HDAC9: variants seen among roughly 807,000 people sequenced by gnomAD.
HDAC9 encodes MEF-2 interacting transcription repressor (MITR) protein.
A neutral mutation model predicts 139.4 loss-of-function variants in HDAC9; 41 were observed. The observed-to-expected ratio is 0.29, with a 90% CI of 0.23 to 0.38. The LOEUF (loss-of-function observed/expected upper bound fraction) is 0.38. HDAC9 is among the 10% of genes least tolerant of loss of function. The pLI is 1.00. For synonymous variants in HDAC9, 517 were observed against 476.2 expected, an observed-to-expected ratio of 1.09 and a Z score of -1.12; for missense variants, 1,147 against 1,297.0, an observed-to-expected ratio of 0.88 and a Z score of 1.78.
intron 12 of HDAC9, among the ~76,000 whole-genome samples, chr7:18,687,791 G>A (rs1782380804): frequency 6.6e-6 from 1 of 151,772 alleles, no homozygotes; most frequent in Non-Finnish European, 1.5e-5. Flanking sequence ...TAGTTAGATG[G>A]ACATATTTTA....
chr7:18,995,980 T>C, intron 25 of HDAC9, 43 bp from the exon 26 acceptor site: 3 of 1,482,358 alleles, frequency 2.0e-6, no homozygotes, highest in Non-Finnish European at 2.8e-6. Flanking sequence ...AATGTCATTG[T>C]GTACTCTTAT....
At chr7:18,466,033 G>A (rs1172547609) in intron 1 of HDAC9, among the ~76,000 whole-genome samples, 1 of 152,200 alleles carries the variant, frequency 6.6e-6, no homozygotes, top group African/African-American at 2.4e-5. Flanking sequence ...CATTGGCTAT[G>A]TTCTTTGCTG....
intron 1 of HDAC9, among the ~76,000 whole-genome samples, chr7:18,436,932 A>G (rs1364562898): frequency 2.6e-5 from 4 of 152,212 alleles, no homozygotes; most frequent in Non-Finnish European, 5.9e-5. Flanking sequence ...ATGAATACAC[A>G]TATTATTAAG....
Position 18,585,243 on chromosome 7 carries a change from C to G in HDAC9, c.23-38C>G, listed in dbSNP as rs139937348. The G allele has an allele frequency of 2.3e-4, 361 of 1,599,858 alleles. 3 individuals carry two copies. The African/African-American group carries it at 3.6e-3, about 16-fold the overall frequency. On this transcript the variant is annotated intron_variant, in intron 2 of 25. Coordinates refer to ENST00000686413, the MANE Select transcript of HDAC9 (RefSeq NM_178425.4). ...TGCTAATTTCCAATCTTCTATTACC[C>G]TCCCCCACCCCATTTCCCTTTTTTT...
At chr7:18,248,164 T>G (rs1031806241) in intron 2 of HDAC9, among the ~76,000 whole-genome samples, 2 of 152,240 alleles carry the variant, frequency 1.3e-5, no homozygotes, top group Non-Finnish European at 2.9e-5. Context: ...CTGGGATAAT[T>G]AAATTTTAAA....
intron 24 of HDAC9, among the ~76,000 whole-genome samples, chr7:18,970,807 A>T (rs1417358488): frequency 2.5e-5 from 3 of 118,240 alleles, no homozygotes; most frequent in South Asian, 3.2e-4. Flanking sequence ...AATGGAAAAA[A>T]GGTAAAAAAA....
intron 4 of HDAC9, among the ~76,000 whole-genome samples, 198 bp downstream of exon 4, chr7:18,590,684 A>C (rs900069772): frequency 6.6e-6 from 1 of 152,186 alleles, no homozygotes; most frequent in Non-Finnish European, 1.5e-5. Flanking sequence ...AGAGCGTCTC[A>C]AGAAGCAAAC....
rs147930681 is a variant in HDAC9 at position 18,928,051 on chromosome 7, A to G, written c.2804-7758A>G. On this transcript the variant is annotated intron_variant, in intron 22 of 25. Transcript: ENST00000686413. ...CACCATTTCTTTATTAACCAAACGA[A>G]TCATGATCGAGGTATCTTTCTCTGA... Among the ~76,000 whole-genome samples the G allele has an allele frequency of 2.6e-3, 401 of 152,300 alleles. 1 individual carries two copies. The highest frequency in any genetic ancestry group is 0.014 in the Middle Eastern group (4 of 294).
chr7:18,366,839 T>C (rs1234989096), intron 1 of HDAC9, among the ~76,000 whole-genome samples: 1 of 152,112 alleles, frequency 6.6e-6, no homozygotes, highest in Non-Finnish European at 1.5e-5. Flanking sequence ...TGTAAAGTGA[T>C]GCGTTTAGTT....
intron 2 of HDAC9, among the ~76,000 whole-genome samples, chr7:18,169,209 T>A (rs1788231257): frequency 6.6e-6 from 1 of 152,134 alleles, no homozygotes; most frequent in Admixed American, 6.6e-5. Context: ...AGTGCTGGGA[T>A]TACAGGTATG....
Position 18,451,364 on chromosome 7 carries a change from T to TGTGC in HDAC9, c.-41-44894_-41-44891dup, listed in dbSNP as rs1491268644. ...CTGAATGGACCAAGACACATGTATA[T>TGTGC]GTGCGTGTGTGTGTGTGTGTGTGTG... On this transcript the variant is annotated intron_variant, in intron 1 of 3. Transcript: ENST00000413509. Among the ~76,000 whole-genome samples the TGTGC allele has an allele frequency of 4.8e-5, 5 of 104,844 alleles. No homozygotes were observed. The East Asian group carries it at 1.1e-3, about 23-fold the overall frequency. 68.8% of individuals were successfully genotyped at this position (104,844 alleles called of 152,430 possible). A position where few individuals can be genotyped will look rare whatever the true frequency, so the allele number is the denominator to read the frequency against.
chr7:18,260,691 G>A (rs1795612841), intron 2 of HDAC9: 1 of 154,160 alleles, frequency 6.5e-6, no homozygotes, highest in Non-Finnish European at 1.5e-5. Context: ...GTCTGTAGTG[G>A]AGATAGGGAA....
chr7:18,644,809 G>GCATCA lies in HDAC9; in HGVS notation c.1035+17_1035+21dup. 1 of 1,604,540 alleles carries GCATCA rather than the reference G, an allele frequency of 6.2e-7. No individual in the cohort carries two copies. Among genetic ancestry groups the GCATCA allele is most frequent in the South Asian group, 1.1e-5 (1 of 89,310 alleles). On this transcript the variant is annotated intron_variant, in intron 9 of 25. Coordinates refer to ENST00000686413, the MANE Select transcript of HDAC9 (RefSeq NM_178425.4). ...CCAGCTCAATGTAAGTCATTGCACA[G>GCATCA]CATCAGCCTTAATCAACCTAAGCAA...
At chr7:18,378,337 TC>T (rs991357350) in intron 1 of HDAC9, among the ~76,000 whole-genome samples, 2 of 152,088 alleles carry the variant, frequency 1.3e-5, no homozygotes, top group African/African-American at 4.8e-5. Flanking sequence ...TTTGTTTATA[TC>T]CGTGTATGTA....
chr7:18,449,896 C>A (rs551533257), intron 1 of HDAC9, among the ~76,000 whole-genome samples: 2 of 152,226 alleles, frequency 1.3e-5, no homozygotes, highest in Non-Finnish European at 2.9e-5. Flanking sequence ...CATGTCTTTT[C>A]TATTTAACAA....
chr7:18,608,854 A>G (rs771116818), intron 6 of HDAC9, among the ~76,000 whole-genome samples: 11 of 152,186 alleles, frequency 7.2e-5, no homozygotes, highest in Non-Finnish European at 1.3e-4. Flanking sequence ...TAATAGATTG[A>G]TTGATACTTT....
At chr7:18,131,612 A>C (rs1785016938) in intron 1 of HDAC9, among the ~76,000 whole-genome samples, 1 of 152,312 alleles carries the variant, frequency 6.6e-6, no homozygotes, top group Admixed American at 6.5e-5. Flanking sequence ...TTTTGAAGGC[A>C]GAAAAGGAAG....
At position 18,367,731 on chromosome 7, in the gene HDAC9, A is replaced by C. The variant is rs527706904; in HGVS notation, c.-42+77216A>C. On this transcript the variant is annotated intron_variant, in intron 1 of 3. Coordinates refer to the HDAC9 transcript ENST00000413509. ...CTGAGCTAAGTCATAGGGTGGGTACATGTTCAACTGTGTAAGATAATTCCA... is the reference window on the plus strand; with the variant it reads ...CTGAGCTAAGTCATAGGGTGGGTACCTGTTCAACTGTGTAAGATAATTCCA... Among the ~76,000 whole-genome samples the C allele has an allele frequency of 1.8e-4, 27 of 152,206 alleles. No individual in the cohort carries two copies. The Middle Eastern group carries it at 0.01, about 58-fold the overall frequency.
At chr7:18,483,884 TTC>T (rs1795771587) in intron 1 of HDAC9, among the ~76,000 whole-genome samples, 1 of 152,124 alleles carries the variant, frequency 6.6e-6, no homozygotes, top group Non-Finnish European at 1.5e-5. Context: ...ATTTTAATCT[TTC>T]TGTTTTCTAT....
Sources: allele counts gnomAD v4.1 joint callset (sites outside exome capture counted in the v4.1 genomes callset), GRCh38; gene constraint gnomAD v4.1.1; transcripts MANE v1.5; gene names NCBI Gene and HGNC (gene_info 2026-07-23, HGNC 2026-07-21).